The following PAIP1 variants were observed in gnomAD, a reference collection of about 807,000 sequenced individuals.
The protein encoded by PAIP1 is poly(A) binding protein interacting protein 1.
In PAIP1, 16 loss-of-function variants were observed where a neutral mutation model predicts 61.3. The ratio of observed to expected loss-of-function variants is 0.26; its 90% CI spans 0.18 to 0.40. The LOEUF is 0.40. Among genes scored for constraint, PAIP1 ranks in the 10% least tolerant of loss-of-function variants. The pLI is 1.00. For synonymous variants in PAIP1, 187 were observed against 226.2 expected (o/e 0.83, Z 1.56); for missense variants, 416 against 600.9 (o/e 0.69, Z 3.22).
chr5:43,555,745 G>A (rs779320042), intron 2 of PAIP1, 85 bp downstream of exon 2: 17 of 1,207,258 alleles, frequency 1.4e-5, no homozygotes, highest in Non-Finnish European at 1.8e-5. Flanking sequence ...AGTACAGAAA[G>A]CACAAACATA....
chr5:43,531,316 T>A (rs202203576), intron 9 of PAIP1, among the ~76,000 whole-genome samples: 3 of 142,626 alleles, frequency 2.1e-5, no homozygotes, highest in Admixed American at 7.0e-5. Flanking sequence ...TGTTTTTCAT[T>A]AAAAAAAAAA....
rs1337364277 is a variant in PAIP1 at position 43,542,503 on chromosome 5, C to T, written c.734+501G>A. 2.1e-5 allele frequency among the ~76,000 whole-genome samples: 3 copies of T among 143,442 alleles called. No homozygotes were observed. In the East Asian group the frequency reaches 6.1e-4, roughly 29 times the overall value. The allele number at this position is 143,442 out of a possible 152,430, so 94.1% of individuals were successfully genotyped here. A position where few individuals can be genotyped will look rare whatever the true frequency, so the allele number is the denominator to read the frequency against. On this transcript the variant is annotated intron_variant, in intron 4 of 10. Transcript: ENST00000306846. Reference sequence around the variant, plus strand: ...GAGCCAAGAGCGTGCCGCTGCACTCCAGCCTGGGAGACAAAGTGAGACTCC... The same window carrying T: ...GAGCCAAGAGCGTGCCGCTGCACTCTAGCCTGGGAGACAAAGTGAGACTCC...
rs72758688 is a variant in PAIP1, at chr5:43,555,714, T to G, written c.435+116A>C. The G allele has an allele frequency of 9.4e-4, 691 of 738,456 alleles. 1 individual carries two copies. Among genetic ancestry groups the G allele is most frequent in the Non-Finnish European group, 1.3e-3 (596 of 462,190 alleles). The allele number at this position is 738,456 out of a possible 1,614,324, so 45.7% of individuals were successfully genotyped here. Reference sequence around the variant, plus strand: ...GTTCAATAATTCAAAACATTCACAATAAAAAAATTTTTTTACGTGTAGTAC... The same window carrying G: ...GTTCAATAATTCAAAACATTCACAAGAAAAAAATTTTTTTACGTGTAGTAC... On this transcript the variant is annotated intron_variant, in intron 2 of 10. Coordinates refer to ENST00000306846, the MANE Select transcript of PAIP1 (RefSeq NM_006451.5).
chr5:43,547,782 A>G lies in PAIP1; in HGVS notation c.567T>C (p.Gly189=), dbSNP rs1747701708. 6 of 1,611,874 alleles carry G rather than the reference A, an allele frequency of 3.7e-6. No homozygotes were observed. Among genetic ancestry groups the G allele is most frequent in the Non-Finnish European group, 5.1e-6 (6 of 1,179,506 alleles). ...GCAAAGCATCATCTGTTGTAACACA[A>G]CCATTCAGGGTCTCTGCAAACTGTT... The part of the protein sequence containing the change: ...EIEQFAETLN[G]CVTTDDALQE... The change falls in exon 3 of 11, where the codon GGT becomes GGC. Residue 189 remains glycine (G), a synonymous_variant. Coordinates refer to ENST00000306846, the MANE Select transcript of PAIP1 (RefSeq NM_006451.5).
At chr5:43,530,307 T>C (rs2112374945) in intron 9 of PAIP1, among the ~76,000 whole-genome samples, 1 of 152,336 alleles carries the variant, frequency 6.6e-6, no homozygotes, top group South Asian at 2.1e-4. Flanking sequence ...CTTCCCTTTC[T>C]TCCCAGAGAG....
At chr5:43,538,225 T>C (rs987152679) in intron 5 of PAIP1, among the ~76,000 whole-genome samples, 8 of 152,084 alleles carry the variant, frequency 5.3e-5, no homozygotes, top group Non-Finnish European at 5.9e-5. Flanking sequence ...ATTGGGGAGA[T>C]GTTGGTCAAA....
intron 3 of PAIP1, among the ~76,000 whole-genome samples, chr5:43,544,936 T>C (rs186666326): frequency 3.9e-4 from 59 of 152,328 alleles, no homozygotes; most frequent in Admixed American, 2.0e-4. Flanking sequence ...CAGTTTCCCA[T>C]CATGGAAGAT....
chr5:43,533,836 T>C (rs1554039646), intron 8 of PAIP1, 44 bp from the exon 9 acceptor site: 2 of 1,164,192 alleles, frequency 1.7e-6, no homozygotes, highest in Non-Finnish European at 2.6e-6. Flanking sequence ...CATTTCAGAA[T>C]TGATTTTTGT....
intron 3 of PAIP1, among the ~76,000 whole-genome samples, chr5:43,547,042 CAAAAAAA>C (rs766493987): frequency 1.1e-4 from 4 of 35,662 alleles, no homozygotes; most frequent in Non-Finnish European, 1.4e-4. Flanking sequence ...GACTCCATAT[CAAAAAAA>C]AAAAAAAAAA....
chr5:43,542,816 C>T (rs909428738), intron 4 of PAIP1, among the ~76,000 whole-genome samples, 188 bp downstream of exon 4: 1 of 152,096 alleles, frequency 6.6e-6, no homozygotes, highest in Non-Finnish European at 1.5e-5. Context: ...TTTCTAAACA[C>T]AAAACCAAAT....
intron 7 of PAIP1, among the ~76,000 whole-genome samples, 185 bp from the exon 8 acceptor site, chr5:43,535,155 C>T (rs999850840): frequency 6.6e-6 from 1 of 152,104 alleles, no homozygotes; most frequent in Non-Finnish European, 1.5e-5. Flanking sequence ...TTATGTTCCA[C>T]GTAACTATGA....
chr5:43,542,021 C>G (rs1342782387), intron 4 of PAIP1, among the ~76,000 whole-genome samples: 1 of 149,720 alleles, frequency 6.7e-6, no homozygotes, highest in Non-Finnish European at 1.5e-5. Flanking sequence ...ACTAAAAATA[C>G]AAAAATTAGC....
chr5:43,536,894 A>T lies in PAIP1; in HGVS notation c.897T>A (p.Gly299=). Residue 299 remains glycine (G), a synonymous_variant, in exon 6 of 11, where the codon GGT becomes GGA. Transcript: ENST00000306846. ...QVTRADILQV[G]LRELLNALFS... is the part of the protein sequence containing the mutation. ...ACAGGGCATTCAGCAATTCTCGAAG[A>T]CCAACCTGAAGAATATCTGCTCTTG... 1.3e-6 allele frequency: 2 copies of T among 1,585,826 alleles called. No individual in the cohort carries two copies. The highest frequency in any genetic ancestry group is 1.7e-6 in the Non-Finnish European group (2 of 1,159,816).
intron 4 of PAIP1, among the ~76,000 whole-genome samples, chr5:43,542,066 C>T (rs1450674506): frequency 6.6e-6 from 1 of 151,156 alleles, no homozygotes; most frequent in Non-Finnish European, 1.5e-5. Context: ...ATCCCAGCTA[C>T]TGGGGAGGCT....
intron 10 of PAIP1, among the ~76,000 whole-genome samples, 194 bp downstream of exon 10, chr5:43,529,592 A>C (rs1579903775): frequency 6.6e-6 from 1 of 152,188 alleles, no homozygotes; most frequent in Non-Finnish European, 1.5e-5. Flanking sequence ...GGGTTTCGCC[A>C]TGTTGGCCAG....
At chr5:43,551,485 G>A (rs560894834) in intron 2 of PAIP1, among the ~76,000 whole-genome samples, 6 of 152,312 alleles carry the variant, frequency 3.9e-5, no homozygotes, top group African/African-American at 1.4e-4. Context: ...ATAAAGTTGT[G>A]AAAGCAGTTA....
At chr5:43,551,269 A>C (rs972342115) in intron 2 of PAIP1, among the ~76,000 whole-genome samples, 1 of 143,818 alleles carries the variant, frequency 7.0e-6, no homozygotes, top group Non-Finnish European at 1.6e-5. Flanking sequence ...GTGAAACTCA[A>C]AATAAAGGAC....
chr5:43,547,358 G>A (rs1747682129), intron 3 of PAIP1, among the ~76,000 whole-genome samples: 1 of 151,958 alleles, frequency 6.6e-6, no homozygotes, highest in African/African-American at 2.4e-5. Context: ...GTCTTTTCTG[G>A]TACTGCTAAT....
At chr5:43,528,649 G>C (rs1375115973) in intron 10 of PAIP1, among the ~76,000 whole-genome samples, 2 of 151,788 alleles carry the variant, frequency 1.3e-5, no homozygotes, top group East Asian at 1.9e-4. Context: ...AGCAACAATT[G>C]TATTTCTAGA....
Sources: gnomAD v4.1 joint callset for allele counts (sites outside exome capture counted in the v4.1 genomes callset) on GRCh38, gnomAD v4.1.1 for gene constraint, MANE v1.5 for transcripts, NCBI Gene and HGNC (gene_info 2026-07-23, HGNC 2026-07-21) for gene names.